The following CFAP299 variants were observed in gnomAD, a reference collection of about 807,000 sequenced individuals.
CFAP299 encodes cilia and flagella associated protein 299.
CFAP299 carries 21 observed loss-of-function variants against 27.0 expected under a neutral mutation model. The ratio of observed to expected loss-of-function variants is 0.78; its 90% CI spans 0.55 to 1.12. CFAP299 has a LOEUF of 1.12. CFAP299 is among the 50% of genes most tolerant of loss of function. The pLI is 0.00. For synonymous variants in CFAP299, 104 were observed against 98.1 expected, an observed-to-expected ratio of 1.06 and a Z score of -0.36; for missense variants, 310 against 276.6, an observed-to-expected ratio of 1.12 and a Z score of -0.86.
chr4:80,590,075 T>G (rs1276704358), intron 3 of CFAP299, among the ~76,000 whole-genome samples: 3 of 152,128 alleles, frequency 2.0e-5, no homozygotes, highest in Non-Finnish European at 4.4e-5. Context: ...TTGTCCATTC[T>G]TACAATGGGA....
intron 3 of CFAP299, among the ~76,000 whole-genome samples, chr4:80,652,532 A>G (rs1313143418): frequency 6.6e-6 from 1 of 152,150 alleles, no homozygotes. Flanking sequence ...TATCTTGTAT[A>G]TGCATTGTGA....
intron 4 of CFAP299, among the ~76,000 whole-genome samples, chr4:80,903,373 T>C (rs1382669260): frequency 6.6e-6 from 1 of 152,044 alleles, no homozygotes; most frequent in Non-Finnish European, 1.5e-5. Context: ...AAAACAAATT[T>C]CTAGTTCTTT....
At chr4:80,816,467 T>C (rs971585869) in intron 3 of CFAP299, among the ~76,000 whole-genome samples, 7 of 152,098 alleles carry the variant, frequency 4.6e-5, no homozygotes, top group African/African-American at 1.4e-4. Context: ...CAAGAAACCT[T>C]CTGGATGTCA....
intron 1 of CFAP299, among the ~76,000 whole-genome samples, chr4:80,347,308 A>G (rs1012175804): frequency 1.3e-5 from 2 of 152,098 alleles, no homozygotes; most frequent in Non-Finnish European, 2.9e-5. Context: ...TTCTAACACT[A>G]TGTTGAATAG....
intron 3 of CFAP299, among the ~76,000 whole-genome samples, chr4:80,624,833 A>C (rs1448013548): frequency 6.6e-6 from 1 of 152,134 alleles, no homozygotes; most frequent in Non-Finnish European, 1.5e-5. Context: ...GAGGTTGATA[A>C]ATTTAAAGTG....
intron 4 of CFAP299, among the ~76,000 whole-genome samples, chr4:80,900,158 G>GTGTGTGTGTGTC (rs1734815996): frequency 6.6e-6 from 1 of 151,390 alleles, no homozygotes. Context: ...GTGTGTGTGT[G>GTGTGTGTGTGTC]TGTCTGAGAG....
chr4:80,961,596 A>G (rs1738346885), intron 5 of CFAP299, among the ~76,000 whole-genome samples: 1 of 151,840 alleles, frequency 6.6e-6, no homozygotes, highest in Non-Finnish European at 1.5e-5. Flanking sequence ...AGAGGAAAAT[A>G]TTATGCACTC....
Position 80,473,828 on chromosome 4 carries a change from G to A in CFAP299, c.243-109265G>A, listed in dbSNP as rs138447596. On this transcript the variant is annotated intron_variant, in intron 2 of 5. Transcript: ENST00000358105. Reference sequence around the variant, plus strand: ...GCTGGTTTCAAACTCCTGGGCTGAAGCAATCCTCCCACCTTGGCCTCCCAA... The same window carrying A: ...GCTGGTTTCAAACTCCTGGGCTGAAACAATCCTCCCACCTTGGCCTCCCAA... Among the ~76,000 whole-genome samples the A allele has an allele frequency of 6.6e-3, 998 of 152,266 alleles. 25 individuals are homozygous for A. Among genetic ancestry groups the A allele is most frequent in the African/African-American group, 0.023 (961 of 41,550 alleles).
chr4:80,666,739 C>T (rs1216230501), intron 3 of CFAP299, among the ~76,000 whole-genome samples: 1 of 152,098 alleles, frequency 6.6e-6, no homozygotes, highest in African/African-American at 2.4e-5. Flanking sequence ...GTAACTAAGT[C>T]TCTTCGTGTG....
intron 2 of CFAP299, among the ~76,000 whole-genome samples, chr4:80,368,464 T>C (rs1162852037): frequency 6.6e-6 from 1 of 152,204 alleles, no homozygotes; most frequent in African/African-American, 2.4e-5. Context: ...TGTATAGTTA[T>C]CTCCTTCAAT....
chr4:80,542,608 G>A (rs1425027337), intron 2 of CFAP299, among the ~76,000 whole-genome samples: 1 of 152,072 alleles, frequency 6.6e-6, no homozygotes, highest in Non-Finnish European at 1.5e-5. Context: ...TCTTTCTCAC[G>A]GGACCAGGGC....
chr4:80,661,956 C>T (rs1740873634), intron 3 of CFAP299, among the ~76,000 whole-genome samples: 1 of 152,160 alleles, frequency 6.6e-6, no homozygotes, highest in South Asian at 2.1e-4. Flanking sequence ...TCCCATAGCG[C>T]TCTCAGGCTT....
At chr4:80,628,670 T>G (rs4693531) in intron 3 of CFAP299, among the ~76,000 whole-genome samples, 142,998 of 152,264 alleles carry the variant, frequency 0.94, 67,199 homozygotes, top group East Asian at 1. Flanking sequence ...TTAGGAGCCA[T>G]GAAACTGAAC....
chr4:80,530,873 G>A (rs1455872024), intron 2 of CFAP299, among the ~76,000 whole-genome samples: 1 of 152,276 alleles, frequency 6.6e-6, no homozygotes, highest in Admixed American at 6.5e-5. Context: ...GTCCTAGCAT[G>A]GATAAGCAAG....
intron 3 of CFAP299, among the ~76,000 whole-genome samples, chr4:80,726,356 A>T (rs1351784578): frequency 6.6e-6 from 1 of 152,162 alleles, no homozygotes; most frequent in East Asian, 1.9e-4. Flanking sequence ...TTTTTAAAAA[A>T]TTGCCCTATT....
At chr4:80,846,607 T>A (rs1225268878) in intron 3 of CFAP299, among the ~76,000 whole-genome samples, 1 of 152,226 alleles carries the variant, frequency 6.6e-6, no homozygotes, top group Admixed American at 6.5e-5. Flanking sequence ...ATTCAGTGAA[T>A]TATACAGCCT....
chr4:80,835,341 G>T (rs187091159), intron 3 of CFAP299, among the ~76,000 whole-genome samples: 1 of 151,870 alleles, frequency 6.6e-6, no homozygotes, highest in East Asian at 1.9e-4. Flanking sequence ...CTCCTGATCC[G>T]CCCGCCTCGG....
chr4:80,346,439 A>G (rs1341818458), intron 1 of CFAP299, among the ~76,000 whole-genome samples: 1 of 152,100 alleles, frequency 6.6e-6, no homozygotes, highest in Non-Finnish European at 1.5e-5. Context: ...TCCATTTTGA[A>G]TTAATTTTTG....
intron 5 of CFAP299, among the ~76,000 whole-genome samples, chr4:80,953,940 C>T (rs1737917600): frequency 6.6e-6 from 1 of 152,134 alleles, no homozygotes; most frequent in South Asian, 2.1e-4. Context: ...CCTAATCAAA[C>T]ATGATGCCAA....
Sources: allele counts gnomAD v4.1 joint callset (sites outside exome capture counted in the v4.1 genomes callset), GRCh38; gene constraint gnomAD v4.1.1; transcripts MANE v1.5; gene names NCBI Gene and HGNC (gene_info 2026-07-23, HGNC 2026-07-21).